The following ESR1 variants were observed in gnomAD, a reference collection of about 807,000 sequenced individuals.
The protein encoded by ESR1 is estrogen receptor.
ESR1 carries 12 observed loss-of-function variants against 52.7 expected under a neutral mutation model. The observed-to-expected ratio is 0.23, with a 90% CI of 0.15 to 0.37. The LOEUF (loss-of-function observed/expected upper bound fraction) is 0.37. Ranked by LOEUF, ESR1 falls within the 10% of genes least tolerant of loss-of-function variation. The pLI, the probability that ESR1 is intolerant of heterozygous loss-of-function variation, is 1.00. For missense variants in ESR1, 584 were observed against 779.7 expected, an observed-to-expected ratio of 0.75 and a Z score of 2.99; for synonymous variants, 305 against 316.8, an observed-to-expected ratio of 0.96 and a Z score of 0.39.
chr6:151,960,697 T>A (rs2037553351), intron 4 of ESR1, among the ~76,000 whole-genome samples: 1 of 152,202 alleles, frequency 6.6e-6, no homozygotes, highest in South Asian at 2.1e-4. Flanking sequence ...GAGAGCATGA[T>A]CTGACTTGTC....
chr6:151,985,533 A>AC (rs2040398396), intron 4 of ESR1, among the ~76,000 whole-genome samples: 7 of 105,436 alleles, frequency 6.6e-5, no homozygotes, highest in Non-Finnish European at 1.3e-4. Context: ...AAAAAAAAAA[A>AC]CACAAACAAA....
At chr6:151,687,908 G>A (rs143661076), upstream of ESR1, among the ~76,000 whole-genome samples, 75 of 152,268 alleles carry the variant, frequency 4.9e-4, no homozygotes, top group African/African-American at 1.6e-3. Flanking sequence ...GGAATCAGGT[G>A]TAATGGCATG....
intron 3 of ESR1, among the ~76,000 whole-genome samples, chr6:151,941,779 C>T (rs2128516555): frequency 6.6e-6 from 1 of 152,320 alleles, no homozygotes; most frequent in East Asian, 1.9e-4. Flanking sequence ...CTGACTATTA[C>T]AAACTGCTTC....
At position 152,061,021 on chromosome 6, in the gene ESR1, G is replaced by A. The variant is rs2128957836; in HGVS notation, c.1266G>A (p.Val422=). 4 of 1,612,526 alleles carry A rather than the reference G, an allele frequency of 2.5e-6. No individual in the cohort carries two copies. Among genetic ancestry groups the A allele is most frequent in the South Asian group, 1.1e-5 (1 of 90,930 alleles). The change falls in exon 6 of 8, where the codon GTG becomes GTA. Residue 422 remains valine, a synonymous_variant. Coordinates refer to ENST00000206249, the MANE Select transcript of ESR1 (RefSeq NM_000125.4). The surrounding 1 kb of genome is among the most constrained non-coding windows in gnomAD (Gnocchi z 4.3). Reference sequence around the variant, plus strand: ...AGGGAAAATGTGTAGAGGGCATGGTGGAGATCTTCGACATGCTGCTGGCTA... The same window carrying A: ...AGGGAAAATGTGTAGAGGGCATGGTAGAGATCTTCGACATGCTGCTGGCTA... ...RNQGKCVEGM[V]EIFDMLLATS...
At chr6:151,965,038 A>G (rs748953599) in intron 4 of ESR1, among the ~76,000 whole-genome samples, 4 of 152,070 alleles carry the variant, frequency 2.6e-5, no homozygotes, top group Admixed American at 6.5e-5. Flanking sequence ...ATGATGTTCA[A>G]CTCCTCTAAA....
chr6:151,927,676 TG>T (rs2032964382), intron 3 of ESR1, among the ~76,000 whole-genome samples: 1 of 152,076 alleles, frequency 6.6e-6, no homozygotes, highest in Non-Finnish European at 1.5e-5. Context: ...AGACCAGTCG[TG>T]GTGACTTCTC....
chr6:151,793,186 A>G lies in ESR1; in HGVS notation c.-70-14657A>G, dbSNP rs573179411. Among the ~76,000 whole-genome samples the G allele has an allele frequency of 1.3e-4, 20 of 151,796 alleles. 1 individual carries two copies. The East Asian group carries it at 2.7e-3, about 21-fold the overall frequency. ...ACTCTATCTCAAAAAAAAAAAAAAA[A>G]GTTTTAAACCTTTTTAAAAAATCAA... On this transcript the variant is annotated intron_variant, in intron 2 of 2. Coordinates refer to the ESR1 transcript ENST00000404742.
chr6:152,012,141 C>A (rs995861615), intron 5 of ESR1, among the ~76,000 whole-genome samples: 2 of 151,492 alleles, frequency 1.3e-5, no homozygotes. Flanking sequence ...AATAACCTCT[C>A]TTTAATTAAA....
intron 5 of ESR1, among the ~76,000 whole-genome samples, chr6:152,032,822 C>G (rs575813453): frequency 6.6e-6 from 1 of 152,182 alleles, no homozygotes; most frequent in South Asian, 2.1e-4. Flanking sequence ...AAAAAGAGCC[C>G]GCATTGCCAA....
intron 4 of ESR1, among the ~76,000 whole-genome samples, chr6:151,979,554 A>G (rs951502475): frequency 6.6e-6 from 1 of 152,188 alleles, no homozygotes; most frequent in African/African-American, 2.4e-5. Context: ...AAATACAATC[A>G]TATAAAATCA....
chr6:151,838,203 C>A (rs962699714), intron 1 of ESR1, among the ~76,000 whole-genome samples: 1 of 152,176 alleles, frequency 6.6e-6, no homozygotes, highest in Admixed American at 6.5e-5. Context: ...TACAGAAAAA[C>A]AAAGGGCCTT....
intron 3 of ESR1, among the ~76,000 whole-genome samples, chr6:151,911,000 C>G (rs568253533): frequency 8.2e-4 from 125 of 152,128 alleles, no homozygotes; most frequent in African/African-American, 2.6e-3. Context: ...AGGTGCAGTT[C>G]ACATATAGGG....
intron 4 of ESR1, among the ~76,000 whole-genome samples, chr6:151,971,483 G>C (rs1439778744): frequency 7.0e-6 from 1 of 142,748 alleles, no homozygotes; most frequent in Non-Finnish European, 1.5e-5. Context: ...TTTGAATAGT[G>C]GTCTCCAATT....
chr6:151,956,563 T>C (rs2036934262), intron 4 of ESR1, among the ~76,000 whole-genome samples: 1 of 152,106 alleles, frequency 6.6e-6, no homozygotes, highest in South Asian at 2.1e-4. Context: ...GCCCAACTTA[T>C]GGATGACAGC....
chr6:151,680,204 CTTTTTT>C (rs35600661), intron 1 of ESR1, among the ~76,000 whole-genome samples: 1 of 126,822 alleles, frequency 7.9e-6, no homozygotes, highest in Non-Finnish European at 1.6e-5. Flanking sequence ...TTTCTTTTCT[CTTTTTT>C]TTTTTTTTTT....
chr6:151,881,817 A>T (rs1305773875), intron 3 of ESR1, among the ~76,000 whole-genome samples: 1 of 151,872 alleles, frequency 6.6e-6, no homozygotes, highest in Non-Finnish European at 1.5e-5. Flanking sequence ...TGGCAGGTGG[A>T]GGGGGCAGTG....
intron 3 of ESR1, among the ~76,000 whole-genome samples, chr6:151,907,771 T>G (rs1797675460): frequency 6.6e-6 from 1 of 152,190 alleles, no homozygotes; most frequent in Non-Finnish European, 1.5e-5. Flanking sequence ...AGATAGGTAC[T>G]TTTTCATGAC....
chr6:151,687,194 A>G (rs1778723918), upstream of ESR1, among the ~76,000 whole-genome samples: 1 of 152,156 alleles, frequency 6.6e-6, no homozygotes, highest in Admixed American at 6.5e-5. Context: ...TGGGTGTCTC[A>G]CCATGGTCCA....
chr6:151,853,258 G>C (rs965335596), intron 2 of ESR1, among the ~76,000 whole-genome samples: 7 of 151,330 alleles, frequency 4.6e-5, no homozygotes, highest in African/African-American at 1.7e-4. Flanking sequence ...ATTAACTTCA[G>C]GTATTGGTAA....
Sources: gnomAD v4.1 joint callset for allele counts (sites outside exome capture counted in the v4.1 genomes callset) on GRCh38, gnomAD v4.1.1 for gene constraint, Gnocchi (gnomAD v3.1) non-coding constraint, MANE v1.5 for transcripts, NCBI Gene and HGNC (gene_info 2026-07-23, HGNC 2026-07-21) for gene names.